ZYG11A: variants seen among roughly 807,000 people sequenced by gnomAD.
ZYG11A encodes the protein protein zyg-11 homolog A.
Under a neutral mutation model 77.2 loss-of-function variants are expected in ZYG11A, and 62 were observed. That is an observed-to-expected ratio of 0.80 (90% CI 0.65 to 0.99). The LOEUF (loss-of-function observed/expected upper bound fraction) is 0.99, where lower values mean the gene tolerates loss of function less well. ZYG11A is among the 50% of genes least tolerant of loss of function. The pLI is 0.00. For missense variants in ZYG11A, 828 were observed against 896.8 expected, an observed-to-expected ratio of 0.92 and a Z score of 0.98; for synonymous variants, 315 against 324.6, an observed-to-expected ratio of 0.97 and a Z score of 0.32.
At chr1:52,874,000 TAAATA>T (rs1185351797) in intron 8 of ZYG11A, among the ~76,000 whole-genome samples, 6 of 150,960 alleles carry the variant, frequency 4.0e-5, no homozygotes, top group East Asian at 2.0e-4. Context: ...AAAAAATAAA[TAAATA>T]AAATAAAAAG....
chr1:52,849,745 C>T (rs1277963545), intron 1 of ZYG11A, among the ~76,000 whole-genome samples: 3 of 150,686 alleles, frequency 2.0e-5, no homozygotes, highest in African/African-American at 4.9e-5. Context: ...TGCAGTGGCG[C>T]GATCTCGGCT....
chr1:52,849,919 C>T (rs1315014878), intron 1 of ZYG11A, among the ~76,000 whole-genome samples: 3 of 146,444 alleles, frequency 2.0e-5, no homozygotes, highest in Non-Finnish European at 3.0e-5. Flanking sequence ...CTGCCGACCT[C>T]GTGATCCGCC....
At chr1:52,846,989 G>C (rs1645599094) in intron 1 of ZYG11A, among the ~76,000 whole-genome samples, 1 of 151,398 alleles carries the variant, frequency 6.6e-6, no homozygotes, top group Admixed American at 6.6e-5. Context: ...CTGGGACTAC[G>C]GGTACACGCC....
Position 52,842,960 on chromosome 1 carries a change from G to C in ZYG11A, c.77G>C (p.Cys26Ser), listed in dbSNP as rs1483078530. ...GACGCTCAGAAGGATGCCCTGGGCTGCTGCGTGGTACAGGTGAGCACCGGG... is the reference window on the plus strand; with the variant it reads ...GACGCTCAGAAGGATGCCCTGGGCTCCTGCGTGGTACAGGTGAGCACCGGG... ...PPDAQKDALG[C>S]CVVQEEASPY... Residue 26 changes from cysteine (C) to serine (S), a missense_variant, in exon 1 of 14, where the codon TGC (cysteine) becomes TCC (serine). Transcript: ENST00000371528. The C allele has an allele frequency of 1.3e-6, 2 of 1,529,700 alleles. No individual in the cohort carries two copies. Among genetic ancestry groups the C allele is most frequent in the Non-Finnish European group, 1.8e-6 (2 of 1,138,018 alleles). The allele number at this position is 1,529,700 out of a possible 1,614,324, so 94.8% of individuals were successfully genotyped here. A position where few individuals can be genotyped will look rare whatever the true frequency, so the allele number is the denominator to read the frequency against.
rs869093943 is a variant in ZYG11A at position 52,846,310 on chromosome 1, T to TTATATA, written c.90+3389_90+3394dup. Among the ~76,000 whole-genome samples, 57 of 35,694 alleles carry TTATATA rather than the reference T, an allele frequency of 1.6e-3. 1 individual carries two copies. The highest frequency in any genetic ancestry group is 3.6e-3 in the Non-Finnish European group (47 of 13,024). The allele number at this position is 35,694 out of a possible 152,430, so 23.4% of individuals were successfully genotyped here. Reference sequence around the variant, plus strand: ...TTGGAAATCATGGCTTTTTAAATTTTTATATATATATATATATATATATAT... The same window carrying TTATATA: ...TTGGAAATCATGGCTTTTTAAATTTTTATATATATATATATATATATATATATATAT... On this transcript the variant is annotated intron_variant, in intron 1 of 13. Transcript: ENST00000371528.
chr1:52,845,274 A>G lies in ZYG11A; in HGVS notation c.90+2301A>G, dbSNP rs74844016. Reference sequence around the variant, plus strand: ...TAAATTGTGTCTCTTGTAAACAGCAATCTTGCATTTGTATGTAGCCTAATG... The same window carrying G: ...TAAATTGTGTCTCTTGTAAACAGCAGTCTTGCATTTGTATGTAGCCTAATG... On this transcript the variant is annotated intron_variant, in intron 1 of 13. Coordinates refer to ENST00000371528, the MANE Select transcript of ZYG11A (RefSeq NM_001004339.3). Among the ~76,000 whole-genome samples the G allele has an allele frequency of 9.5e-5, 14 of 147,038 alleles. No individual in the cohort carries two copies. In the East Asian group the frequency reaches 2.6e-3, roughly 27 times the overall value.
intron 1 of ZYG11A, among the ~76,000 whole-genome samples, chr1:52,845,176 C>T (rs956124677): frequency 6.6e-6 from 1 of 152,032 alleles, no homozygotes; most frequent in African/African-American, 2.4e-5. Context: ...TATTCTTGTC[C>T]AGAAGCCTCA....
chr1:52,856,233 C>T (rs1167963494), intron 2 of ZYG11A, among the ~76,000 whole-genome samples: 2 of 152,070 alleles, frequency 1.3e-5, no homozygotes, highest in African/African-American at 2.4e-5. Flanking sequence ...TGGTATGCCT[C>T]CCTATACTGA....
At chr1:52,892,283 T>C (rs889580545) in intron 13 of ZYG11A, among the ~76,000 whole-genome samples, 4 of 146,432 alleles carry the variant, frequency 2.7e-5, no homozygotes, top group Non-Finnish European at 6.0e-5. Flanking sequence ...ATCCCAGCAC[T>C]TTGGGAGGCC....
chr1:52,885,110 G>A (rs1273509574), intron 11 of ZYG11A, among the ~76,000 whole-genome samples: 2 of 151,772 alleles, frequency 1.3e-5, no homozygotes, highest in African/African-American at 4.8e-5. Flanking sequence ...GGGTTTCACC[G>A]TGTTGGCCAG....
intron 4 of ZYG11A, 146 bp from the exon 5 acceptor site, chr1:52,863,834 CT>C: frequency 1.4e-6 from 1 of 719,592 alleles, no homozygotes; most frequent in Non-Finnish European, 2.2e-6. Flanking sequence ...TGCTGTAATA[CT>C]TTGATGTTCT....
intron 8 of ZYG11A, among the ~76,000 whole-genome samples, chr1:52,872,127 G>T (rs1041031603): frequency 6.6e-6 from 1 of 152,076 alleles, no homozygotes; most frequent in Non-Finnish European, 1.5e-5. Context: ...CAAGAAGGCA[G>T]TTTGAATTTT....
chr1:52,861,125 T>C (rs1645919286), intron 4 of ZYG11A, among the ~76,000 whole-genome samples: 1 of 152,186 alleles, frequency 6.6e-6, no homozygotes, highest in East Asian at 1.9e-4. Flanking sequence ...CATGTGGCTT[T>C]CTGAAAGAAA....
intron 13 of ZYG11A, among the ~76,000 whole-genome samples, chr1:52,890,249 GTTTTTT>G (rs908467307): frequency 2.8e-5 from 2 of 71,658 alleles, no homozygotes; most frequent in Admixed American, 2.0e-4. Context: ...TTTTCTTTTA[GTTTTTT>G]TTTTTTTTTT....
intron 11 of ZYG11A, among the ~76,000 whole-genome samples, chr1:52,884,130 T>A (rs1646406602): frequency 6.6e-6 from 1 of 151,818 alleles, no homozygotes; most frequent in African/African-American, 2.4e-5. Context: ...TCCACCCACC[T>A]CGGCCTCCCA....
chr1:52,870,685 C>A (rs570980041), intron 8 of ZYG11A, among the ~76,000 whole-genome samples: 1 of 152,206 alleles, frequency 6.6e-6, no homozygotes, highest in Non-Finnish European at 1.5e-5. Context: ...ACAGTGAAAC[C>A]CCGTCTCCAC....
chr1:52,864,146 C>T lies in ZYG11A; in HGVS notation c.1315C>T (p.His439Tyr). 1 of 1,551,280 alleles carries T rather than the reference C, an allele frequency of 6.4e-7. No individual in the cohort carries two copies. Among genetic ancestry groups the T allele is most frequent in the Non-Finnish European group, 8.7e-7 (1 of 1,146,894 alleles). Residue 439 changes from histidine to tyrosine, a missense_variant, in exon 5 of 14, where the codon CAT (histidine) becomes TAT (tyrosine). Transcript: ENST00000371528. ...LLFKALKNFP[H>Y]YQQLQKNCLL... ...TTTCAAGGCTCTGAAAAATTTCCCC[C>T]ATTACCAGCAGGTAATTTCAATTGA... is the stretch of plus-strand genomic sequence containing the variant.
At chr1:52,885,342 G>GTT (rs34626674) in intron 11 of ZYG11A, among the ~76,000 whole-genome samples, 5 of 138,696 alleles carry the variant, frequency 3.6e-5, no homozygotes, top group Admixed American at 7.2e-5. Flanking sequence ...TTGGGTTTTT[G>GTT]TTTTTTTTTT....
chr1:52,859,024 A>C (rs571419103), intron 3 of ZYG11A, among the ~76,000 whole-genome samples: 1 of 152,266 alleles, frequency 6.6e-6, no homozygotes, highest in African/African-American at 2.4e-5. Flanking sequence ...TTAACATTTT[A>C]TTCTTTTGAT....
Sources: allele counts gnomAD v4.1 joint callset (sites outside exome capture counted in the v4.1 genomes callset), GRCh38; gene constraint gnomAD v4.1.1; transcripts MANE v1.5; gene names NCBI Gene and HGNC (gene_info 2026-07-23, HGNC 2026-07-21).